Variants in BRAT1 observed in about 807,000 individuals in gnomAD.
BRAT1 encodes integrator complex assembly factor BRAT1.
Under a neutral mutation model 70.6 loss-of-function variants are expected in BRAT1, and 74 were observed. The ratio of observed to expected loss-of-function variants is 1.05; its 90% CI spans 0.87 to 1.27. BRAT1 has a LOEUF of 1.27. BRAT1 is among the 50% of genes most tolerant of loss of function. The pLI, the probability that BRAT1 is intolerant of heterozygous loss-of-function variation, is 0.00. For missense variants in BRAT1, 1,203 were observed against 1,098.2 expected (o/e 1.10, Z -1.35); for synonymous variants, 615 against 517.1 (o/e 1.19, Z -2.57).
chr7:2,546,971 G>A (rs201150168), intron 3 of BRAT1, among the ~76,000 whole-genome samples: 2 of 150,240 alleles, frequency 1.3e-5, no homozygotes, highest in African/African-American at 2.5e-5. Flanking sequence ...TCCTGTCTCC[G>A]TCCCAGGAAG....
In BRAT1 at chr7:2,541,439, T is replaced by C. The variant is rs1779155484; in HGVS notation, c.1180A>G (p.Thr394Ala). Reference protein sequence around the residue: ...PWPQASLLGATVTVLRLCDGS... With the variant: ...PWPQASLLGAAVTVLRLCDGS... ...TCACAGAGCCGCAGGACAGTCACTG[T>C]AGCCCCCAGTAGAGACGCCTGGGGC... Residue 394 changes from threonine (T) to alanine (A), a missense_variant, in exon 9 of 14, where the codon ACA becomes GCA. Transcript: ENST00000340611. 5.7e-6 allele frequency: 9 copies of C among 1,573,392 alleles called. No homozygotes were observed. Among genetic ancestry groups the C allele is most frequent in the Non-Finnish European group, 6.9e-6 (8 of 1,160,494 alleles).
rs950303391 is a variant in BRAT1 at position 2,546,937 on chromosome 7, C to A, written c.282+387G>T. ...CTCCTGTCTCCGTCCCAGGAAGAGA[C>A]GGGGGCCACGGGGCAGCTACGACTC... On this transcript the variant is annotated intron_variant, in intron 3 of 13. Coordinates refer to ENST00000340611, the MANE Select transcript of BRAT1 (RefSeq NM_152743.4). Among the ~76,000 whole-genome samples the A allele has an allele frequency of 2.0e-5, 3 of 151,388 alleles. No individual in the cohort carries two copies. In the East Asian group the frequency reaches 5.9e-4, roughly 30 times the overall value.
Position 2,541,845 on chromosome 7 carries a change from C to A in BRAT1, c.1016-9G>T. ...CGTCCCGTCCAGCAAGCCTGGGGGC[C>A]AAGCCAGGAAGAGCTCCCTTAGAGA... On this transcript the variant is annotated splice_polypyrimidine_tract_variant and intron_variant, in intron 7 of 13. Coordinates refer to ENST00000340611, the MANE Select transcript of BRAT1 (RefSeq NM_152743.4). The A allele has an allele frequency of 6.2e-7, 1 of 1,611,904 alleles. No homozygotes were observed. The highest frequency in any genetic ancestry group is 8.5e-7 in the Non-Finnish European group (1 of 1,179,354).
intron 1 of BRAT1, among the ~76,000 whole-genome samples, chr7:2,554,708 A>G (rs1159683556): frequency 6.6e-6 from 1 of 152,220 alleles, no homozygotes; most frequent in Non-Finnish European, 1.5e-5. Flanking sequence ...AGGCCTCCGG[A>G]ACTCAAAGTC....
chr7:2,545,942 C>T (rs978595675), intron 3 of BRAT1, among the ~76,000 whole-genome samples: 1 of 152,222 alleles, frequency 6.6e-6, no homozygotes, highest in African/African-American at 2.4e-5. Context: ...TGGGGGGCAT[C>T]GTGAACGGCA....
chr7:2,542,468 A>G, intron 6 of BRAT1: 2 of 539,514 alleles, frequency 3.7e-6, no homozygotes, highest in Non-Finnish European at 6.7e-6. Context: ...GGGCCTGGCC[A>G]TGCACCCAGA....
intron 7 of BRAT1, 51 bp from the exon 8 acceptor site, chr7:2,541,887 A>T: frequency 6.3e-7 from 1 of 1,581,224 alleles, no homozygotes; most frequent in Non-Finnish European, 8.7e-7. Flanking sequence ...CAGCCTCCCC[A>T]CGGTCACCAG....
rs769700664 is a variant in BRAT1, at chr7:2,547,467, C to T, written c.139G>A (p.Val47Met). 9.9e-6 allele frequency: 16 copies of T among 1,613,866 alleles called. No homozygotes were observed. Among genetic ancestry groups the T allele is most frequent in the East Asian group, 4.5e-5 (2 of 44,892 alleles). The part of the protein sequence containing the change: ...KTVTEGESSV[V>M]LLQEHPCLVE... ...AGGCAGGGGTGCTCCTGCAGCAGCA[C>T]GACACTGGACTCTGTGGGGATGGCC... is the stretch of plus-strand genomic sequence containing the variant. The change falls in exon 3 of 14, where the codon GTG becomes ATG. Residue 47 changes from valine to methionine, a missense_variant. By Grantham distance (21) the Val-to-Met change is conservative (BLOSUM62 1). Transcript: ENST00000340611.
chr7:2,539,232 A>G lies in BRAT1; in HGVS notation c.1717T>C (p.Ser573Pro), dbSNP rs781677647. The G allele has an allele frequency of 6.2e-7, 1 of 1,611,034 alleles. No individual in the cohort carries two copies. The highest frequency in any genetic ancestry group is 8.5e-7 in the Non-Finnish European group (1 of 1,179,752). Reference sequence around the variant, plus strand: ...GTGGGGGCGTGCAGGCCCTGGCTGGACAGCTGCCCCATGGCGGTCACTGCA... The same window carrying G: ...GTGGGGGCGTGCAGGCCCTGGCTGGGCAGCTGCCCCATGGCGGTCACTGCA... ...ASAVTAMGQL[S>P]SQGLHAPTSP... is the part of the protein sequence containing the mutation. Residue 573 changes from serine to proline, a missense_variant, in exon 13 of 14, where the codon TCC becomes CCC. Transcript: ENST00000340611.
intron 10 of BRAT1, chr7:2,540,159 G>C: frequency 4.7e-6 from 2 of 421,670 alleles, no homozygotes; most frequent in Non-Finnish European, 8.4e-6. Flanking sequence ...GCTGGGGCTA[G>C]AGGCACACAT....
At chr7:2,542,742 C>T (rs1779276273) in intron 6 of BRAT1, 3 of 176,864 alleles carry the variant, frequency 1.7e-5, no homozygotes, top group Admixed American at 5.6e-5. Flanking sequence ...TCACTTCCAC[C>T]CCTATTGTGA....
In BRAT1 at chr7:2,543,434, G is replaced by C; in HGVS notation, c.804-111C>G. On this transcript the variant is annotated intron_variant, in intron 5 of 13. Coordinates refer to ENST00000340611, the MANE Select transcript of BRAT1 (RefSeq NM_152743.4). The surrounding 1 kb of genome is among the most constrained non-coding windows in gnomAD (Gnocchi z 5.5). ...ACTGGAGGCGCCCAGCCCAAGACAGGCCTTTCCCCATGAGGGTTCCAGGGT... is the reference window on the plus strand; with the variant it reads ...ACTGGAGGCGCCCAGCCCAAGACAGCCCTTTCCCCATGAGGGTTCCAGGGT... The C allele has an allele frequency of 6.7e-7, 1 of 1,487,332 alleles. No homozygotes were observed. Among genetic ancestry groups the C allele is most frequent in the South Asian group, 1.4e-5 (1 of 72,900 alleles). The allele number at this position is 1,487,332 out of a possible 1,614,324, so 92.1% of individuals were successfully genotyped here.
chr7:2,551,658 TGACGC>T (rs1163706204), intron 2 of BRAT1, among the ~76,000 whole-genome samples: 1 of 145,962 alleles, frequency 6.9e-6, no homozygotes, highest in East Asian at 2.0e-4. Context: ...CCATCCTGGG[TGACGC>T]GCAAAAACCC....
chr7:2,540,566 G>A (rs538745096), intron 10 of BRAT1: 61 of 176,800 alleles, frequency 3.5e-4, no homozygotes, highest in Non-Finnish European at 3.8e-4. Flanking sequence ...GTTGTCTGCT[G>A]TCTGCTCAGC....
chr7:2,541,963 G>A, intron 7 of BRAT1, 127 bp from the exon 8 acceptor site: 1 of 1,224,504 alleles, frequency 8.2e-7, no homozygotes, highest in South Asian at 1.4e-5. Flanking sequence ...CTCACCAGGG[G>A]AGATGGCCAT....
rs1165040986 is a variant in BRAT1 at position 2,542,175 on chromosome 7, A to G, written c.960T>C (p.Leu320=). 2 of 1,568,512 alleles carry G rather than the reference A, an allele frequency of 1.3e-6. No homozygotes were observed. The highest frequency in any genetic ancestry group is 3.3e-4 in the Middle Eastern group (2 of 6,002). ...TCAGGACACAGGCCAGGGGCTGGAGAAGGACCTGGAAGGCCTGGGTCCTCA... is the reference window on the plus strand; with the variant it reads ...TCAGGACACAGGCCAGGGGCTGGAGGAGGACCTGGAAGGCCTGGGTCCTCA... ...QALRTQAFQV[L]LQPLACVLKA... The change falls in exon 7 of 14, where the codon CTT becomes CTC. Residue 320 remains leucine (L), a synonymous_variant. Coordinates refer to ENST00000340611, the MANE Select transcript of BRAT1 (RefSeq NM_152743.4).
chr7:2,545,323 C>T (rs1040739253), intron 3 of BRAT1, among the ~76,000 whole-genome samples: 1 of 135,672 alleles, frequency 7.4e-6, no homozygotes, highest in African/African-American at 2.9e-5. Flanking sequence ...AAGATCGCAC[C>T]ACTGCACACC....
intron 3 of BRAT1, 37 bp downstream of exon 3, chr7:2,547,287 C>T: frequency 6.2e-7 from 1 of 1,610,114 alleles, no homozygotes; most frequent in Non-Finnish European, 8.5e-7. Flanking sequence ...CTGCCCACCT[C>T]TCCACGGGAC....
In BRAT1 at chr7:2,543,122, C is replaced by A; in HGVS notation, c.923+82G>T. 6.8e-7 allele frequency: 1 copy of A among 1,462,042 alleles called. No homozygotes were observed. Among genetic ancestry groups the A allele is most frequent in the Non-Finnish European group, 9.1e-7 (1 of 1,101,654 alleles). The allele number at this position is 1,462,042 out of a possible 1,614,324, so 90.6% of individuals were successfully genotyped here. A position where few individuals can be genotyped will look rare whatever the true frequency, so the allele number is the denominator to read the frequency against. ...GTCCCTGGTGTCCGGAACTCCCCTGCCATGAGGGCTGCGCTCTCAACCTCC... is the reference window on the plus strand; with the variant it reads ...GTCCCTGGTGTCCGGAACTCCCCTGACATGAGGGCTGCGCTCTCAACCTCC... On this transcript the variant is annotated intron_variant, in intron 6 of 13. Transcript: ENST00000340611. This position sits in a 1 kb window ranked among gnomAD's most constrained non-coding sequence, Gnocchi z 5.5.
Sources: allele counts gnomAD v4.1 joint callset (sites outside exome capture counted in the v4.1 genomes callset), GRCh38; gene constraint gnomAD v4.1.1; non-coding constraint Gnocchi (gnomAD v3.1); transcripts MANE v1.5; gene names NCBI Gene and HGNC (gene_info 2026-07-23, HGNC 2026-07-21).